Variants in FRMD4B observed in about 807,000 individuals in gnomAD.
FRMD4B encodes FERM domain containing 4B.
A neutral mutation model predicts 141.5 loss-of-function variants in FRMD4B; 74 were observed. That is an observed-to-expected ratio of 0.52 (90% CI 0.43 to 0.63). FRMD4B has a LOEUF of 0.63. Ranked by LOEUF, FRMD4B falls within the 30% of genes least tolerant of loss-of-function variation. The pLI, the probability that FRMD4B is intolerant of heterozygous loss-of-function variation, is 0.00. For missense variants in FRMD4B, 1,366 were observed against 1,253.4 expected (o/e 1.09, Z -1.36); for synonymous variants, 506 against 467.9 (o/e 1.08, Z -1.05).
chr3:69,425,871 C>T (rs578238119), intron 2 of FRMD4B, among the ~76,000 whole-genome samples: 39 of 152,124 alleles, frequency 2.6e-4, no homozygotes, highest in Non-Finnish European at 5.1e-4. Flanking sequence ...AACTCCAGAG[C>T]GTATGCTTAA....
At chr3:69,500,060 G>T (rs1456292541) in intron 1 of FRMD4B, among the ~76,000 whole-genome samples, 1 of 152,240 alleles carries the variant, frequency 6.6e-6, no homozygotes, top group Non-Finnish European at 1.5e-5. Context: ...GAGGCCAGAA[G>T]ATGACAGCCT....
At chr3:69,315,339 T>A (rs1701768166) in intron 1 of FRMD4B, among the ~76,000 whole-genome samples, 2 of 152,110 alleles carry the variant, frequency 1.3e-5, no homozygotes, top group South Asian at 4.1e-4. Flanking sequence ...CATAGACCAC[T>A]TTTATATGTA....
At chr3:69,395,390 A>T (rs995093944) in intron 2 of FRMD4B, among the ~76,000 whole-genome samples, 3 of 152,178 alleles carry the variant, frequency 2.0e-5, no homozygotes, top group Non-Finnish European at 4.4e-5. Context: ...ATAGTACTGA[A>T]CTGCAGTACA....
intron 1 of FRMD4B, among the ~76,000 whole-genome samples, chr3:69,345,465 G>C (rs986933423): frequency 1.3e-5 from 2 of 152,200 alleles, no homozygotes; most frequent in Admixed American, 1.3e-4. Flanking sequence ...AAATGTCCCT[G>C]TCTGACAGCT....
At chr3:69,495,558 C>CTA (rs2107039862) in intron 1 of FRMD4B, among the ~76,000 whole-genome samples, 1 of 152,288 alleles carries the variant, frequency 6.6e-6, no homozygotes, top group African/African-American at 2.4e-5. Flanking sequence ...GCTTGGTAGA[C>CTA]AAGAGCACGA....
At chr3:69,332,793 G>T (rs11714469) in intron 1 of FRMD4B, among the ~76,000 whole-genome samples, 1 of 106,972 alleles carries the variant, frequency 9.3e-6, no homozygotes, top group Non-Finnish European at 1.7e-5. Context: ...TTGCAATTTT[G>T]CCCAGGCTGT....
intron 7 of FRMD4B, among the ~76,000 whole-genome samples, chr3:69,242,478 A>ATTTTTTTTT (rs71115667): frequency 1.8e-5 from 1 of 54,554 alleles, no homozygotes; most frequent in African/African-American, 7.4e-5. Context: ...AAATAGCTGC[A>ATTTTTTTTT]TTTTTTTTTT....
At chr3:69,428,303 A>C (rs1259438864) in intron 2 of FRMD4B, among the ~76,000 whole-genome samples, 2 of 150,704 alleles carry the variant, frequency 1.3e-5, no homozygotes, top group East Asian at 2.0e-4. Context: ...CAGTGATCTC[A>C]TCTGTGAAAT....
intron 14 of FRMD4B, 37 bp from the exon 15 acceptor site, chr3:69,195,401 AG>A: frequency 6.4e-7 from 1 of 1,556,668 alleles, no homozygotes; most frequent in Non-Finnish European, 8.7e-7. Context: ...GGTTTATACA[AG>A]GGATGTTTCC....
chr3:69,355,657 C>G (rs1297531662), intron 1 of FRMD4B, among the ~76,000 whole-genome samples: 1 of 152,002 alleles, frequency 6.6e-6, no homozygotes, highest in Non-Finnish European at 1.5e-5. Flanking sequence ...GGTTGACAGA[C>G]CAAATTAGGG....
chr3:69,348,118 C>A (rs1269997694), intron 1 of FRMD4B, among the ~76,000 whole-genome samples: 1 of 152,044 alleles, frequency 6.6e-6, no homozygotes, highest in Non-Finnish European at 1.5e-5. Context: ...AGAGAAGAAT[C>A]AAATAGATGC....
intron 1 of FRMD4B, among the ~76,000 whole-genome samples, chr3:69,484,305 G>A (rs924198570): frequency 6.6e-6 from 1 of 152,188 alleles, no homozygotes; most frequent in Non-Finnish European, 1.5e-5. Context: ...GGGGAAGGTG[G>A]AGGCCTGGTT....
At chr3:69,177,042 A>G (rs1181276730) in intron 21 of FRMD4B, among the ~76,000 whole-genome samples, 1 of 152,226 alleles carries the variant, frequency 6.6e-6, no homozygotes, top group Admixed American at 6.5e-5. Flanking sequence ...AATTCAAAAA[A>G]TAATCTAGGT....
intron 22 of FRMD4B, among the ~76,000 whole-genome samples, chr3:69,175,816 T>C (rs4374534): frequency 0.85 from 122,311 of 144,070 alleles, 54,266 homozygotes; most frequent in Non-Finnish European, 0.99. Context: ...AGTCTCGCTC[T>C]GTCGCCCAGG....
intron 7 of FRMD4B, among the ~76,000 whole-genome samples, chr3:69,242,994 C>CAAAA (rs34623002): frequency 2.7e-5 from 3 of 111,750 alleles, no homozygotes; most frequent in South Asian, 3.0e-4. Flanking sequence ...AACTCTGTCT[C>CAAAA]AAAAAAAAAA....
At chr3:69,414,121 T>C (rs1704808907) in intron 2 of FRMD4B, among the ~76,000 whole-genome samples, 1 of 152,148 alleles carries the variant, frequency 6.6e-6, no homozygotes, top group Non-Finnish European at 1.5e-5. Flanking sequence ...CAGCTGCATT[T>C]CATCTATAGG....
intron 17 of FRMD4B, among the ~76,000 whole-genome samples, chr3:69,190,891 T>G (rs1177510377): frequency 6.6e-6 from 1 of 152,210 alleles, no homozygotes; most frequent in Admixed American, 6.5e-5. Context: ...TTGGGCAAAT[T>G]ACTTAATCTC....
At chr3:69,414,855 C>T (rs963035301) in intron 2 of FRMD4B, among the ~76,000 whole-genome samples, 3 of 141,762 alleles carry the variant, frequency 2.1e-5, no homozygotes, top group African/African-American at 7.8e-5. Flanking sequence ...TCACAGCGAA[C>T]AAGCTGTTTT....
intron 5 of FRMD4B, among the ~76,000 whole-genome samples, chr3:69,252,945 G>T (rs79845720): frequency 0.033 from 4,972 of 152,190 alleles, 148 homozygotes; most frequent in East Asian, 0.1. Flanking sequence ...AATATGAACA[G>T]TATCAAGTCC....
Sources: allele counts gnomAD v4.1 joint callset (sites outside exome capture counted in the v4.1 genomes callset), GRCh38; gene constraint gnomAD v4.1.1; transcripts MANE v1.5; gene names NCBI Gene and HGNC (gene_info 2026-07-23, HGNC 2026-07-21).